Variants in COPG2 observed in about 807,000 individuals in gnomAD.
The protein encoded by COPG2 is coat protein complex I subunit gamma 2.
COPG2 carries 37 observed loss-of-function variants against 46.3 expected under a neutral mutation model. The observed-to-expected ratio is 0.80, with a 90% confidence interval of 0.61 to 1.05. The LOEUF (loss-of-function observed/expected upper bound fraction) is 1.05, where lower values mean the gene tolerates loss of function less well. COPG2 is among the 50% of genes least tolerant of loss of function. The pLI, the probability that COPG2 is intolerant of heterozygous loss-of-function variation, is 0.00. For synonymous variants in COPG2, 159 were observed against 129.7 expected (o/e 1.23, Z -1.53); for missense variants, 427 against 387.8 (o/e 1.10, Z -0.85).
At chr7:130,607,423 G>A (rs548298872) in intron 9 of COPG2, 1 of 433,802 alleles carries the variant, frequency 2.3e-6, no homozygotes, top group East Asian at 7.1e-5. Flanking sequence ...TTGTACTTCT[G>A]GCAATTTTTA....
intron 4 of COPG2, among the ~76,000 whole-genome samples, chr7:130,661,361 G>A (rs1795974434): frequency 6.6e-6 from 1 of 152,180 alleles, no homozygotes; most frequent in South Asian, 2.1e-4. Flanking sequence ...CCACAAAAGA[G>A]GCAATAGCCT....
intron 9 of COPG2, among the ~76,000 whole-genome samples, chr7:130,584,182 T>A (rs1025359886): frequency 6.6e-6 from 1 of 151,916 alleles, no homozygotes; most frequent in South Asian, 2.1e-4. Flanking sequence ...ATGTGATACA[T>A]CACATAAACA....
At chr7:130,616,257 AT>A (rs1563060450) in intron 6 of COPG2, among the ~76,000 whole-genome samples, 1 of 152,174 alleles carries the variant, frequency 6.6e-6, no homozygotes, top group Non-Finnish European at 1.5e-5. Context: ...TTTATTGTTG[AT>A]TGTGTAGGAG....
In COPG2 at chr7:130,550,517, A is replaced by G. The variant is rs1793522125; in HGVS notation, c.1774+7T>C. 2.5e-6 allele frequency: 1 copy of G among 395,674 alleles called. No individual in the cohort carries two copies. Among genetic ancestry groups the G allele is most frequent in the Non-Finnish European group, 4.5e-6 (1 of 224,298 alleles). The allele number at this position is 395,674 out of a possible 1,614,324, so 24.5% of individuals were successfully genotyped here. On this transcript the variant is annotated splice_region_variant and intron_variant, in intron 17 of 23. Coordinates refer to ENST00000425248, the MANE Select transcript of COPG2 (RefSeq NM_012133.6). The stretch of plus-strand genomic sequence containing the variant: ...TACTTATACACAGAAAAATGAATAG[A>G]GTGAACCTGCTTTCTGTTCAAAGAC...
Position 130,575,157 on chromosome 7 carries a change from C to T in COPG2, c.738-10764G>A, listed in dbSNP as rs868960903. Among the ~76,000 whole-genome samples, 6 of 152,182 alleles carry T rather than the reference C, an allele frequency of 3.9e-5. No homozygotes were observed. In the East Asian group the frequency reaches 5.8e-4, roughly 15 times the overall value. ...GGGGAATAACTAAGGAAAATTTCCC[C>T]GGCCTTGCAAGAGACCTAGACATCC... On this transcript the variant is annotated intron_variant, in intron 9 of 23. Coordinates refer to ENST00000425248, the MANE Select transcript of COPG2 (RefSeq NM_012133.6).
intron 9 of COPG2, among the ~76,000 whole-genome samples, chr7:130,598,663 GGCCAAA>G (rs1554450018): frequency 1.3e-5 from 2 of 152,132 alleles, no homozygotes; most frequent in African/African-American, 4.8e-5. Flanking sequence ...GCCCTAACTG[GGCCAAA>G]GCATCAACTG....
chr7:130,629,785 T>G (rs1222630406), intron 5 of COPG2, among the ~76,000 whole-genome samples: 1 of 152,158 alleles, frequency 6.6e-6, no homozygotes, highest in Admixed American at 6.6e-5. Flanking sequence ...TGTGTCAGTT[T>G]AGGCATTTTT....
intron 9 of COPG2, among the ~76,000 whole-genome samples, chr7:130,582,095 T>A (rs1344514964): frequency 6.6e-6 from 1 of 150,658 alleles, no homozygotes; most frequent in Non-Finnish European, 1.5e-5. Context: ...GACTTCAAAC[T>A]ATACTACAAG....
intron 9 of COPG2, chr7:130,564,617 A>G (rs1185947469): frequency 5.6e-6 from 2 of 356,394 alleles, no homozygotes; most frequent in African/African-American, 4.2e-5. Context: ...AATCCTGAAC[A>G]TCTATTTAAG....
chr7:130,665,134 T>C (rs1796049184), intron 3 of COPG2, among the ~76,000 whole-genome samples: 1 of 152,142 alleles, frequency 6.6e-6, no homozygotes, highest in South Asian at 2.1e-4. Flanking sequence ...TGAGCCGAGA[T>C]TGCGCCACTG....
intron 5 of COPG2, among the ~76,000 whole-genome samples, chr7:130,652,469 C>G (rs1406624571): frequency 6.6e-6 from 1 of 152,192 alleles, no homozygotes; most frequent in Admixed American, 6.5e-5. Context: ...GTGAGAACGA[C>G]TATCTAAAGA....
At chr7:130,546,175 T>C (rs1793440324) in intron 20 of COPG2, among the ~76,000 whole-genome samples, 1 of 152,108 alleles carries the variant, frequency 6.6e-6, no homozygotes. Flanking sequence ...TTTTGAAACA[T>C]GGAGGGATGG....
Position 130,508,613 on chromosome 7 carries a change from A to G in COPG2, c.2196T>C (p.Cys732=). The G allele has an allele frequency of 1.3e-6, 1 of 775,866 alleles. No homozygotes were observed. Among genetic ancestry groups the G allele is most frequent in the Non-Finnish European group, 2.4e-6 (1 of 415,988 alleles). 48.1% of individuals were successfully genotyped at this position (775,866 alleles called of 1,614,324 possible). A position where few individuals can be genotyped will look rare whatever the true frequency, so the allele number is the denominator to read the frequency against. The change falls in exon 21 of 24, where the codon TGT becomes TGC. Residue 732 remains cysteine, a synonymous_variant. Coordinates refer to ENST00000425248, the MANE Select transcript of COPG2 (RefSeq NM_012133.6). ...CATCTGGAACTCCAGTGTTAGGGTC[A>G]CAGTCCCGGACTGTAAACTTCATGG... ...SCTMKFTVRD[C]DPNTGVPDED... is the part of the protein sequence containing the mutation.
intron 11 of COPG2, 99 bp from the exon 12 acceptor site, chr7:130,561,320 A>T: frequency 2.5e-6 from 1 of 397,428 alleles, no homozygotes. Flanking sequence ...AGAGGACAGG[A>T]TAAGTTAAAA....
intron 3 of COPG2, among the ~76,000 whole-genome samples, chr7:130,663,730 C>CTTTTTT (rs71178602): frequency 3.0e-4 from 20 of 67,160 alleles, no homozygotes; most frequent in African/African-American, 4.8e-4. Flanking sequence ...CATTTCTTTT[C>CTTTTTT]TTTTTTTTTT....
intron 12 of COPG2, among the ~76,000 whole-genome samples, chr7:130,557,413 T>C (rs1176173827): frequency 3.3e-5 from 5 of 152,160 alleles, no homozygotes; most frequent in African/African-American, 1.2e-4. Context: ...CATCAGGATA[T>C]GTATTCTCCC....
At chr7:130,524,187 A>G (rs1799752970) in intron 20 of COPG2, among the ~76,000 whole-genome samples, 1 of 152,096 alleles carries the variant, frequency 6.6e-6, no homozygotes, top group East Asian at 1.9e-4. Context: ...GGATGTGGAC[A>G]CTGATAGCTG....
intron 1 of COPG2, among the ~76,000 whole-genome samples, 160 bp downstream of exon 1, chr7:130,668,472 C>A (rs1273270915): frequency 6.7e-6 from 1 of 149,836 alleles, no homozygotes; most frequent in African/African-American, 2.4e-5. Flanking sequence ...CGGGCAGGCC[C>A]CGGGCAGCCG....
Position 130,587,654 on chromosome 7 carries a change from A to G in COPG2, c.738-23261T>C, listed in dbSNP as rs528847457. On this transcript the variant is annotated intron_variant, in intron 9 of 23. Coordinates refer to ENST00000425248, the MANE Select transcript of COPG2 (RefSeq NM_012133.6). ...TACAAAAATTAATTCAAGAGGGATT[A>G]AAGACTTACATGTTAGACCTAAAAC... 2.0e-5 allele frequency among the ~76,000 whole-genome samples: 3 copies of G among 152,318 alleles called. No individual in the cohort carries two copies. The South Asian group carries it at 6.2e-4, about 32-fold the overall frequency.
Sources: allele counts gnomAD v4.1 joint callset (sites outside exome capture counted in the v4.1 genomes callset), GRCh38; gene constraint gnomAD v4.1.1; transcripts MANE v1.5; gene names NCBI Gene and HGNC (gene_info 2026-07-23, HGNC 2026-07-21).